The following TSEN34 variants were observed in gnomAD, a reference collection of about 807,000 sequenced individuals.
TSEN34 encodes tRNA-splicing endonuclease subunit Sen34.
TSEN34 carries 25 observed loss-of-function variants against 30.2 expected under a neutral mutation model. The observed-to-expected ratio is 0.83, with a 90% CI of 0.60 to 1.16. The LOEUF is 1.16. TSEN34 is among the 50% of genes most tolerant of loss of function. TSEN34 has a pLI of 0.00. For synonymous variants in TSEN34, 209 were observed against 177.4 expected, an observed-to-expected ratio of 1.18 and a Z score of -1.41; for missense variants, 475 against 411.9, an observed-to-expected ratio of 1.15 and a Z score of -1.33.
chr19:54,190,921 G>C (rs145947907), upstream of TSEN34: 926 of 1,050,108 alleles, frequency 8.8e-4, 8 homozygotes, highest in African/African-American at 0.014. Flanking sequence ...GACCGCTGAC[G>C]GGAACACCCG....
rs1324255867 is a variant in TSEN34, at chr19:54,191,893, C to T, written c.416C>T (p.Ala139Val). The T allele has an allele frequency of 6.2e-7, 1 of 1,613,972 alleles. No homozygotes were observed. The highest frequency in any genetic ancestry group is 1.3e-5 in the African/African-American group (1 of 74,876). Residue 139 changes from alanine (A) to valine (V), a missense_variant, in exon 2 of 4, where the codon GCC becomes GTC. Coordinates refer to ENST00000396388, the MANE Select transcript of TSEN34 (RefSeq NM_001077446.4). ...QASGASSSQEAGSSQAAKEDE... is the reference protein window; with the variant it reads ...QASGASSSQEVGSSQAAKEDE... ...TCAGGGGCCAGCTCAAGCCAGGAGG[C>T]CGGCTCGAGCCAGGCTGCCAAAGAG...
At chr19:54,190,786 TGTGGGA>T, upstream of TSEN34, 2 of 1,112,982 alleles carry the variant, frequency 1.8e-6, no homozygotes, top group Non-Finnish European at 2.2e-6. Flanking sequence ...GGTTTTGTAC[TGTGGGA>T]GTCTGAGAGC....
chr19:54,190,093 C>T (rs1272920573), upstream of TSEN34: 6 of 532,038 alleles, frequency 1.1e-5, no homozygotes, highest in Non-Finnish European at 2.0e-5. Context: ...GGCCGGCGTG[C>T]GCCTACGGGA....
chr19:54,192,299 A>G lies in TSEN34; in HGVS notation c.671A>G (p.Tyr224Cys). The change falls in exon 3 of 4, where the codon TAC becomes TGC. Residue 224 changes from tyrosine (Y) to cysteine (C), a missense_variant. Transcript: ENST00000396388. ...RPAHELRYSI[Y>C]RDLWERGFFL... ...GCCCACGAGCTGCGCTACAGTATCT[A>G]CAGAGACCTGTGGGAGCGAGGCTTC... 1.9e-6 allele frequency: 3 copies of G among 1,614,150 alleles called. No individual in the cohort carries two copies. Among genetic ancestry groups the G allele is most frequent in the Non-Finnish European group, 1.7e-6 (2 of 1,180,032 alleles).
intron 3 of TSEN34, 82 bp downstream of exon 3, chr19:54,192,455 T>C: frequency 6.8e-7 from 1 of 1,480,678 alleles, no homozygotes; most frequent in South Asian, 1.2e-5. Context: ...TTTTTTTTTT[T>C]TGTCTTAATA....
chr19:54,190,289 C>T, upstream of TSEN34: 2 of 1,348,106 alleles, frequency 1.5e-6, no homozygotes, highest in Non-Finnish European at 2.1e-6. Context: ...ACGAGGGTGT[C>T]GGCATGAGGG....
Position 54,191,981 on chromosome 19 carries a change from G to C in TSEN34, c.487+17G>C. On this transcript the variant is annotated intron_variant, in intron 2 of 3. Coordinates refer to ENST00000396388, the MANE Select transcript of TSEN34 (RefSeq NM_001077446.4). ...AGGAAGCTGGTGAGCATGGGAGGTG[G>C]AGTCCAGGGACCACGGGAAGGAGAG... The C allele has an allele frequency of 5.0e-6, 8 of 1,614,148 alleles. No homozygotes were observed. The highest frequency in any genetic ancestry group is 6.8e-6 in the Non-Finnish European group (8 of 1,179,986).
rs778653789 is a variant in TSEN34 at position 54,193,395 on chromosome 19, G to A, written c.*33G>A. 13 of 1,613,348 alleles carry A rather than the reference G, an allele frequency of 8.1e-6. No individual in the cohort carries two copies. Among genetic ancestry groups the A allele is most frequent in the Non-Finnish European group, 1.0e-5 (12 of 1,179,654 alleles). On this transcript the variant is annotated 3_prime_UTR_variant, in exon 4 of 4. Transcript: ENST00000396388. ...AGACCTAGGGGATGTGGCTGTGTCG[G>A]CAGCAAGAGCCTTTCTGGATGTTCC... is the stretch of plus-strand genomic sequence containing the variant.
upstream of TSEN34, chr19:54,189,703 G>C (rs183716): frequency 0.22 from 33,569 of 153,524 alleles, 4,028 homozygotes; most frequent in East Asian, 0.52. Context: ...CTGGAGCTCG[G>C]CGTGAGGAAT....
chr19:54,191,438 G>C lies in TSEN34; in HGVS notation c.74G>C (p.Arg25Pro). Residue 25 changes from arginine to proline, a missense_variant, in exon 1 of 4, where the codon CGC becomes CCC. Physicochemically the swap from Arg to Pro is moderately radical, Grantham distance 103. Coordinates refer to ENST00000396388, the MANE Select transcript of TSEN34 (RefSeq NM_001077446.4). ...GAGGCGGTGCAGGCCCTCCGGGAGC[G>C]CCTGGGTGTGGGGGGCCGCACGGTA... is the stretch of plus-strand genomic sequence containing the variant. ...GAEAVQALRE[R>P]LGVGGRTVGA... 6.5e-7 allele frequency: 1 copy of C among 1,547,950 alleles called. No homozygotes were observed. The highest frequency in any genetic ancestry group is 8.7e-7 in the Non-Finnish European group (1 of 1,146,636).
rs533666292 is a variant in TSEN34, at chr19:54,193,482, C to T, written c.*120C>T. On this transcript the variant is annotated 3_prime_UTR_variant, in exon 4 of 4. Transcript: ENST00000396388. ...CTTTCTCCGCGGTTAGTTTTTGATT[C>T]CAGGTTTTCGAACACTACATCTTTT... is the stretch of plus-strand genomic sequence containing the variant. 3.3e-5 allele frequency: 51 copies of T among 1,554,762 alleles called. No individual in the cohort carries two copies. In the East Asian group the frequency reaches 1.0e-3, roughly 31 times the overall value.
Position 54,193,752 on chromosome 19 carries a change from G to C in TSEN34, c.*390G>C. 4.2e-6 allele frequency: 3 copies of C among 708,580 alleles called. No individual in the cohort carries two copies. Among genetic ancestry groups the C allele is most frequent in the Non-Finnish European group, 2.5e-6 (1 of 392,164 alleles). The allele number at this position is 708,580 out of a possible 1,614,324, so 43.9% of individuals were successfully genotyped here. ...GTGAGAAAAAGGCCTGGAGGAGGGG[G>C]ACTGACTTGCCCAAAGTCACACACT... is the stretch of plus-strand genomic sequence containing the variant. On this transcript the variant is annotated 3_prime_UTR_variant, in exon 4 of 4. Transcript: ENST00000396388.
At position 54,194,446 on chromosome 19, in the gene TSEN34, A is replaced by G. The variant is rs918551397; in HGVS notation, c.*1084A>G. On this transcript the variant is annotated 3_prime_UTR_variant, in exon 4 of 4. Coordinates refer to ENST00000396388, the MANE Select transcript of TSEN34 (RefSeq NM_001077446.4). The stretch of plus-strand genomic sequence containing the variant: ...ACACATGTATTTGTAAAAAATTTGC[A>G]CTTATGAAATCATTTACCCATGTTT... The G allele has an allele frequency of 1.3e-5, 2 of 152,324 alleles. No individual in the cohort carries two copies. The highest frequency in any genetic ancestry group is 2.1e-4 in the South Asian group (1 of 4,832). 9.4% of individuals were successfully genotyped at this position (152,324 alleles called of 1,614,324 possible). A position where few individuals can be genotyped will look rare whatever the true frequency, so the allele number is the denominator to read the frequency against.
chr19:54,191,152 G>A (rs1048800581), upstream of TSEN34: 48 of 1,358,710 alleles, frequency 3.5e-5, no homozygotes, highest in Non-Finnish European at 4.3e-5. Flanking sequence ...CCGGCGTCTC[G>A]TCTCCGGCGG....
intron 3 of TSEN34, among the ~76,000 whole-genome samples, chr19:54,192,842 T>C (rs992310293): frequency 3.9e-5 from 6 of 151,984 alleles, no homozygotes; most frequent in African/African-American, 1.2e-4. Context: ...CCATCTCTAC[T>C]AAAAATACTA....
chr19:54,193,279 G>A lies in TSEN34; in HGVS notation c.850G>A (p.Val284Ile), dbSNP rs201334285. ...LVAAGRLGTS[V>I]RKTLLLCSPQ... The stretch of plus-strand genomic sequence containing the variant: ...TGCTGCTGGGCGCCTTGGAACCAGC[G>A]TCAGAAAGACCCTGCTCCTCTGTTC... Residue 284 changes from valine (V) to isoleucine (I), a missense_variant, in exon 4 of 4, where the codon GTC (valine) becomes ATC (isoleucine). Transcript: ENST00000396388. The A allele has an allele frequency of 4.9e-5, 79 of 1,614,096 alleles. No individual in the cohort carries two copies. The highest frequency in any genetic ancestry group is 1.5e-4 in the Admixed American group (9 of 60,004).
chr19:54,189,891 G>A (rs1046617159), upstream of TSEN34: 5 of 228,700 alleles, frequency 2.2e-5, no homozygotes, highest in East Asian at 3.6e-4. Flanking sequence ...TAGGGTCACT[G>A]TTCCGATGTG....
In TSEN34 at chr19:54,193,638, G is replaced by A. The variant is rs1281858067; in HGVS notation, c.*276G>A. 3.6e-6 allele frequency: 4 copies of A among 1,108,964 alleles called. No individual in the cohort carries two copies. The highest frequency in any genetic ancestry group is 5.3e-6 in the Non-Finnish European group (4 of 757,182). 68.7% of individuals were successfully genotyped at this position (1,108,964 alleles called of 1,614,324 possible). ...TTTCTACAGGGTTTAAGTCTCAGGA[G>A]GTCTCAATAAACTTGGTATATAAAT... On this transcript the variant is annotated 3_prime_UTR_variant, in exon 4 of 4. Transcript: ENST00000396388.
upstream of TSEN34, chr19:54,190,629 G>T (rs1280516380): frequency 4.0e-6 from 5 of 1,239,414 alleles, no homozygotes; most frequent in Admixed American, 1.2e-4. Context: ...AACCTATTGC[G>T]TCCGGGAGGA....
Sources: gnomAD v4.1 joint callset for allele counts (sites outside exome capture counted in the v4.1 genomes callset) on GRCh38, gnomAD v4.1.1 for gene constraint, MANE v1.5 for transcripts, NCBI Gene and HGNC (gene_info 2026-07-23, HGNC 2026-07-21) for gene names.